Variants in MEI1 observed in about 807,000 individuals in gnomAD.
MEI1 encodes the protein meiotic double-stranded break formation protein 1.
A neutral mutation model predicts 146.2 loss-of-function variants in MEI1; 103 were observed. That is an observed-to-expected ratio of 0.70 (90% CI 0.60 to 0.83). The LOEUF is 0.83. MEI1 is among the 40% of genes least tolerant of loss of function. MEI1 has a pLI of 0.00. For missense variants in MEI1, 1,529 were observed against 1,533.0 expected (o/e 1.00, Z 0.04); for synonymous variants, 652 against 628.2 (o/e 1.04, Z -0.57).
chr22:41,714,531 A>G (rs1015936798), intron 4 of MEI1, among the ~76,000 whole-genome samples: 5 of 152,112 alleles, frequency 3.3e-5, no homozygotes, highest in Admixed American at 6.6e-5. Flanking sequence ...TGAGGTAAGC[A>G]TTGAGTGGAT....
chr22:41,793,156 C>G (rs1455696327), intron 26 of MEI1, among the ~76,000 whole-genome samples: 1 of 150,028 alleles, frequency 6.7e-6, no homozygotes, highest in Admixed American at 6.7e-5. Flanking sequence ...TCTGCCTCAG[C>G]CGCCCAAGTA....
intron 3 of MEI1, among the ~76,000 whole-genome samples, chr22:41,710,166 G>A (rs2069424828): frequency 6.6e-6 from 1 of 152,004 alleles, no homozygotes; most frequent in African/African-American, 2.4e-5. Context: ...CCAGGGGTGT[G>A]TGTGCACCAA....
intron 3 of MEI1, among the ~76,000 whole-genome samples, chr22:41,708,972 CCCT>C (rs1332837710): frequency 1.3e-5 from 2 of 152,264 alleles, no homozygotes; most frequent in African/African-American, 2.4e-5. Context: ...GTCAGGGAAT[CCCT>C]CCTCCTGGGA....
intron 20 of MEI1, chr22:41,774,471 C>G (rs1390835953): frequency 1.3e-5 from 2 of 152,218 alleles, no homozygotes; most frequent in Admixed American, 1.3e-4. Flanking sequence ...TCCCGTCGGG[C>G]TTCAGCCTCA....
chr22:41,773,517 T>C (rs1443757746), intron 20 of MEI1, among the ~76,000 whole-genome samples: 1 of 142,338 alleles, frequency 7.0e-6, no homozygotes, highest in African/African-American at 2.6e-5. Context: ...GAGCCCAAAG[T>C]GAGTAAGTTT....
intron 11 of MEI1, among the ~76,000 whole-genome samples, chr22:41,736,943 A>G (rs1034677527): frequency 6.6e-6 from 1 of 152,178 alleles, no homozygotes; most frequent in South Asian, 2.1e-4. Flanking sequence ...TGTCCATGCT[A>G]CTAGCATATA....
intron 22 of MEI1, among the ~76,000 whole-genome samples, chr22:41,780,612 ACT>A (rs2075709662): frequency 7.4e-6 from 1 of 135,244 alleles, no homozygotes; most frequent in Non-Finnish European, 1.5e-5. Context: ...ACAGGGTCTC[ACT>A]CTGTCACCCA....
intron 3 of MEI1, 70 bp from the exon 4 acceptor site, chr22:41,713,932 G>T: frequency 7.8e-7 from 1 of 1,274,590 alleles, no homozygotes; most frequent in Non-Finnish European, 1.1e-6. Flanking sequence ...TGATTGAGTA[G>T]AAGGGCCATG....
intron 9 of MEI1, among the ~76,000 whole-genome samples, chr22:41,731,556 C>G (rs1362573860): frequency 6.6e-6 from 1 of 151,774 alleles, no homozygotes; most frequent in African/African-American, 2.4e-5. Context: ...GGGGGTCTCT[C>G]CATGTTGGCC....
intron 3 of MEI1, among the ~76,000 whole-genome samples, chr22:41,710,889 G>T (rs539629869): frequency 6.6e-6 from 1 of 152,296 alleles, no homozygotes; most frequent in Admixed American, 6.5e-5. Flanking sequence ...AATCAATTTA[G>T]CCTTGACAAG....
chr22:41,699,519 A>C lies in MEI1; in HGVS notation c.-20A>C. Reference sequence around the variant, plus strand: ...TCTGCGCGGGAAAGAGTGCCGCCTCAGCTGAGGGCAAGCGAGGAGATGGCT... The same window carrying C: ...TCTGCGCGGGAAAGAGTGCCGCCTCCGCTGAGGGCAAGCGAGGAGATGGCT... On this transcript the variant is annotated 5_prime_UTR_variant, in exon 1 of 31. Coordinates refer to ENST00000401548, the MANE Select transcript of MEI1 (RefSeq NM_152513.4). 1 of 1,599,918 alleles carries C rather than the reference A, an allele frequency of 6.3e-7. No individual in the cohort carries two copies. Among genetic ancestry groups the C allele is most frequent in the South Asian group, 1.1e-5 (1 of 89,560 alleles).
chr22:41,780,569 T>A (rs1232109127), intron 22 of MEI1, among the ~76,000 whole-genome samples: 6 of 145,188 alleles, frequency 4.1e-5, no homozygotes, highest in South Asian at 2.1e-4. Flanking sequence ...TTGAGCTGAA[T>A]TTTTTTCTTT....
intron 9 of MEI1, 55 bp downstream of exon 9, chr22:41,730,692 T>C: frequency 8.4e-7 from 1 of 1,186,950 alleles, no homozygotes. Context: ...CAGTTTGCAC[T>C]TGGGTAGCAG....
intron 7 of MEI1, among the ~76,000 whole-genome samples, chr22:41,724,803 C>CTT (rs74762751): frequency 2.9e-5 from 4 of 138,974 alleles, no homozygotes; most frequent in Non-Finnish European, 4.7e-5. Context: ...TTTGTAAATT[C>CTT]TTTTTTTTTT....
intron 20 of MEI1, among the ~76,000 whole-genome samples, chr22:41,775,011 G>T (rs1037033987): frequency 2.0e-5 from 3 of 152,122 alleles, no homozygotes; most frequent in Admixed American, 6.5e-5. Context: ...GAGGGAGTCT[G>T]TGTGACCTTG....
At chr22:41,760,136 C>T (rs1421325764) in intron 18 of MEI1, among the ~76,000 whole-genome samples, 1 of 151,608 alleles carries the variant, frequency 6.6e-6, no homozygotes, top group Non-Finnish European at 1.5e-5. Flanking sequence ...GGTGAAACCC[C>T]GTCTCTACTA....
At chr22:41,757,052 C>T (rs753249882) in intron 17 of MEI1, among the ~76,000 whole-genome samples, 3 of 152,188 alleles carry the variant, frequency 2.0e-5, no homozygotes, top group Admixed American at 1.3e-4. Context: ...CTCTTTTCTC[C>T]TGTCGCTGCC....
chr22:41,714,020 C>G lies in MEI1; in HGVS notation c.368C>G (p.Thr123Arg). ...LCIEVLIQIT[T>R]QLKLEQTIRC... ...TGTTCAGTCCTTATTCAGATCACAA[C>G]GCAGCTGAAGCTGGAGCAGACTATC... The change falls in exon 4 of 31, where the codon ACG becomes AGG. Residue 123 changes from threonine to arginine, a missense_variant. Physicochemically the swap from Thr to Arg is moderately conservative, Grantham distance 71. This residue lies in a region of MEI1 where 1,212 missense variants were observed against 1,178.9 expected (regional missense o/e 1.03). Coordinates refer to ENST00000401548, the MANE Select transcript of MEI1 (RefSeq NM_152513.4). The G allele has an allele frequency of 1.9e-6, 3 of 1,595,268 alleles. No homozygotes were observed. The highest frequency in any genetic ancestry group is 1.8e-5 in the Admixed American group (1 of 56,920).
chr22:41,742,888 C>T (rs1006060106), intron 11 of MEI1, among the ~76,000 whole-genome samples, 192 bp from the exon 12 acceptor site: 17 of 152,208 alleles, frequency 1.1e-4, no homozygotes, highest in African/African-American at 3.9e-4. Context: ...AAGACATCTA[C>T]TCATCTCAGT....
Sources: allele counts gnomAD v4.1 joint callset (sites outside exome capture counted in the v4.1 genomes callset), GRCh38; gene constraint gnomAD v4.1.1; regional missense constraint gnomAD v4.1.1; transcripts MANE v1.5; gene names NCBI Gene and HGNC (gene_info 2026-07-23, HGNC 2026-07-21).